The following FEM1A variants were observed in gnomAD, a reference collection of about 807,000 sequenced individuals.
FEM1A encodes protein fem-1 homolog A.
Under a neutral mutation model 0.7 loss-of-function variants are expected in FEM1A, and 1 was observed. The observed-to-expected ratio is 1.35, with a 90% CI of 0.48 to 6.40. The LOEUF is 6.40. Ranked by LOEUF, FEM1A falls within the 30% of genes most tolerant of loss-of-function variation. The pLI, the probability that FEM1A is intolerant of heterozygous loss-of-function variation, is 0.14. For missense variants in FEM1A, 721 were observed against 918.7 expected, an observed-to-expected ratio of 0.78 and a Z score of 2.78; for synonymous variants, 391 against 420.6, an observed-to-expected ratio of 0.93 and a Z score of 0.86.
At position 4,791,926 on chromosome 19, in the gene FEM1A, C is replaced by T. The variant is rs1401384234; in HGVS notation, c.72C>T (p.Ser24=). 2.0e-6 allele frequency: 3 copies of T among 1,525,784 alleles called. No individual in the cohort carries two copies. Among genetic ancestry groups the T allele is most frequent in the Non-Finnish European group, 1.7e-6 (2 of 1,143,400 alleles). 94.5% of individuals were successfully genotyped at this position (1,525,784 alleles called of 1,614,324 possible). A position where few individuals can be genotyped will look rare whatever the true frequency, so the allele number is the denominator to read the frequency against. Residue 24 remains serine, a synonymous_variant, in exon 1 of 1, where the codon AGC becomes AGT. Transcript: ENST00000269856. ...TGCAGCTGCTCCAGAAGCTGCTCAG[C>T]GGCCGGAGCCGGGAGGAACTGGACG... ...GKLQLLQKLL[S]GRSREELDEL...
In FEM1A at chr19:4,799,920, A is replaced by T. The variant is rs1300580091; in HGVS notation, c.*6056A>T. Reference sequence around the variant, plus strand: ...ACTCTGTCTCAAAAAAAAAAAAAAAAAAAAAAAAAAAAATGGGGCCATCAA... The same window carrying T: ...ACTCTGTCTCAAAAAAAAAAAAAAATAAAAAAAAAAAAATGGGGCCATCAA... On this transcript the variant is annotated 3_prime_UTR_variant, in exon 1 of 1. Coordinates refer to ENST00000269856, the MANE Select transcript of FEM1A (RefSeq NM_018708.3). 1 of 145,866 alleles carries T rather than the reference A, an allele frequency of 6.9e-6. No homozygotes were observed. The highest frequency in any genetic ancestry group is 2.5e-5 in the African/African-American group (1 of 39,728). The allele number at this position is 145,866 out of a possible 1,614,324, so 9.0% of individuals were successfully genotyped here. A position where few individuals can be genotyped will look rare whatever the true frequency, so the allele number is the denominator to read the frequency against.
rs1382748363 is a variant in FEM1A at position 4,798,879 on chromosome 19, A to G, written c.*5015A>G. 6.6e-6 allele frequency: 1 copy of G among 151,878 alleles called. No individual in the cohort carries two copies. The highest frequency in any genetic ancestry group is 6.6e-5 in the Admixed American group (1 of 15,226). 9.4% of individuals were successfully genotyped at this position (151,878 alleles called of 1,614,324 possible). A position where few individuals can be genotyped will look rare whatever the true frequency, so the allele number is the denominator to read the frequency against. On this transcript the variant is annotated 3_prime_UTR_variant, in exon 1 of 1. Coordinates refer to ENST00000269856, the MANE Select transcript of FEM1A (RefSeq NM_018708.3). The stretch of plus-strand genomic sequence containing the variant: ...TCAGCCCCCTAACCCCAAGAAAATC[A>G]CTCACAAAAATCATCTGAGCTAAAT...
Position 4,794,536 on chromosome 19 carries a change from C to CTT in FEM1A, c.*686_*687dup, listed in dbSNP as rs35934634. 5 of 153,360 alleles carry CTT rather than the reference C, an allele frequency of 3.3e-5. No individual in the cohort carries two copies. Among genetic ancestry groups the CTT allele is most frequent in the African/African-American group, 2.6e-5 (1 of 37,866 alleles). The allele number at this position is 153,360 out of a possible 1,614,324, so 9.5% of individuals were successfully genotyped here. On this transcript the variant is annotated 3_prime_UTR_variant, in exon 1 of 1. Coordinates refer to ENST00000269856, the MANE Select transcript of FEM1A (RefSeq NM_018708.3). ...CACAGAAATTCTGAGATTTTACTGC[C>CTT]TTTTTTTTTTTTTTTAAGAAAGTTG... is the stretch of plus-strand genomic sequence containing the variant.
rs2093564701 is a variant in FEM1A at position 4,798,762 on chromosome 19, G to A, written c.*4898G>A. ...GGATCCCTTTCCCCTGCTTTCTGGTGTTGTTTTGGCACAAGCTCTCCCATC... is the reference window on the plus strand; with the variant it reads ...GGATCCCTTTCCCCTGCTTTCTGGTATTGTTTTGGCACAAGCTCTCCCATC... On this transcript the variant is annotated 3_prime_UTR_variant, in exon 1 of 1. Coordinates refer to ENST00000269856, the MANE Select transcript of FEM1A (RefSeq NM_018708.3). 6.6e-6 allele frequency: 1 copy of A among 152,170 alleles called. No homozygotes were observed. Among genetic ancestry groups the A allele is most frequent in the South Asian group, 2.1e-4 (1 of 4,832 alleles). 9.4% of individuals were successfully genotyped at this position (152,170 alleles called of 1,614,324 possible). A position where few individuals can be genotyped will look rare whatever the true frequency, so the allele number is the denominator to read the frequency against.
rs1181963713 is a variant in FEM1A, at chr19:4,798,101, C to G, written c.*4237C>G. 1 of 128,490 alleles carries G rather than the reference C, an allele frequency of 7.8e-6. No homozygotes were observed. Among genetic ancestry groups the G allele is most frequent in the Admixed American group, 7.7e-5 (1 of 12,942 alleles). 8.0% of individuals were successfully genotyped at this position (128,490 alleles called of 1,614,324 possible). A position where few individuals can be genotyped will look rare whatever the true frequency, so the allele number is the denominator to read the frequency against. Reference sequence around the variant, plus strand: ...TACAAAAATTAGCCGGGTGTGGTGGCAGGTGCCTGTAGTCCCAGCTACTCC... The same window carrying G: ...TACAAAAATTAGCCGGGTGTGGTGGGAGGTGCCTGTAGTCCCAGCTACTCC... On this transcript the variant is annotated 3_prime_UTR_variant, in exon 1 of 1. Transcript: ENST00000269856.
In FEM1A at chr19:4,792,854, G is replaced by A. The variant is rs2093556246; in HGVS notation, c.1000G>A (p.Glu334Lys). 1 of 1,612,172 alleles carries A rather than the reference G, an allele frequency of 6.2e-7. No individual in the cohort carries two copies. Among genetic ancestry groups the A allele is most frequent in the Non-Finnish European group, 8.5e-7 (1 of 1,180,016 alleles). ...RAMELRHQGGEYLPKPEPPQL... is the reference protein window; with the variant it reads ...RAMELRHQGGKYLPKPEPPQL... ...CATGGAGCTGCGTCACCAGGGGGGC[G>A]AGTACCTGCCCAAACCGGAGCCCCC... The change falls in exon 1 of 1, where the codon GAG becomes AAG. Residue 334 changes from glutamate to lysine, a missense_variant. This residue lies in a region of FEM1A where 379 missense variants were observed against 454.8 expected (regional missense o/e 0.83). Transcript: ENST00000269856. The surrounding 1 kb of genome is among the most constrained non-coding windows in gnomAD (Gnocchi z 6.7).
Position 4,793,013 on chromosome 19 carries a change from C to G in FEM1A, c.1159C>G (p.Pro387Ala). ...GGAGCGCATCCTCGGTCCCTCGCAC[C>G]CGGACACTTCCTATTACATCCGTTA... ...IRERILGPSH[P>A]DTSYYIRYRG... Residue 387 changes from proline to alanine, a missense_variant, in exon 1 of 1, where the codon CCG becomes GCG. Around this residue, in one of 4 missense-constraint regions of FEM1A, gnomAD observed 379 missense variants for 454.8 expected, o/e 0.83. Transcript: ENST00000269856. The surrounding 1 kb of genome is among the most constrained non-coding windows in gnomAD (Gnocchi z 5.1). 1 of 1,613,270 alleles carries G rather than the reference C, an allele frequency of 6.2e-7. No homozygotes were observed.
chr19:4,797,742 T>C lies in FEM1A; in HGVS notation c.*3878T>C, dbSNP rs1465643543. 3 of 125,120 alleles carry C rather than the reference T, an allele frequency of 2.4e-5. No homozygotes were observed. Among genetic ancestry groups the C allele is most frequent in the African/African-American group, 9.5e-5 (3 of 31,464 alleles). 7.8% of individuals were successfully genotyped at this position (125,120 alleles called of 1,614,324 possible). A position where few individuals can be genotyped will look rare whatever the true frequency, so the allele number is the denominator to read the frequency against. On this transcript the variant is annotated 3_prime_UTR_variant, in exon 1 of 1. Transcript: ENST00000269856. ...TGAGCCTGGGAGTTTGAGACCATCA[T>C]GGGCAGCAAAGTGAGATCCTGTCTC...
chr19:4,791,839 G>A lies in FEM1A; in HGVS notation c.-16G>A, dbSNP rs2093554664. The A allele has an allele frequency of 6.7e-7, 1 of 1,484,456 alleles. No homozygotes were observed. The highest frequency in any genetic ancestry group is 1.3e-5 in the South Asian group (1 of 79,888). 92.0% of individuals were successfully genotyped at this position (1,484,456 alleles called of 1,614,324 possible). A position where few individuals can be genotyped will look rare whatever the true frequency, so the allele number is the denominator to read the frequency against. On this transcript the variant is annotated 5_prime_UTR_variant, in exon 1 of 1. It introduces an in-frame stop codon into an upstream open reading frame of the 5' UTR. Transcript: ENST00000269856. ...TCCCCCGGCGGCCGGCCCATGGCCT[G>A]GCGGAGGCCCGAACCATGGACCTCC...
rs1238461680 is a variant in FEM1A, at chr19:4,793,738, G to A, written c.1884G>A (p.Arg628=). The A allele has an allele frequency of 3.1e-6, 5 of 1,612,476 alleles. No individual in the cohort carries two copies. In the South Asian group the frequency reaches 5.5e-5, roughly 18 times the overall value. The stretch of plus-strand genomic sequence containing the variant: ...TGCTGGACGAGAAGCTGCTGGCCAG[G>A]GGTACCATGCAGCCCTTCAACTACG... ...YELLDEKLLA[R]GTMQPFNYVT... Residue 628 remains arginine, a synonymous_variant, in exon 1 of 1, where the codon AGG becomes AGA. Transcript: ENST00000269856. This position sits in a 1 kb window ranked among gnomAD's most constrained non-coding sequence, Gnocchi z 5.1.
chr19:4,797,797 C>T lies in FEM1A; in HGVS notation c.*3933C>T, dbSNP rs907319115. 10 of 144,806 alleles carry T rather than the reference C, an allele frequency of 6.9e-5. No homozygotes were observed. The highest frequency in any genetic ancestry group is 6.4e-4 in the South Asian group (3 of 4,682). 9.0% of individuals were successfully genotyped at this position (144,806 alleles called of 1,614,324 possible). On this transcript the variant is annotated 3_prime_UTR_variant, in exon 1 of 1. Coordinates refer to ENST00000269856, the MANE Select transcript of FEM1A (RefSeq NM_018708.3). ...AAAAAAAAAAAAAAAAAAAATTAGCCATGTGTAGTGATATGTAGTCCCAGC... is the reference window on the plus strand; with the variant it reads ...AAAAAAAAAAAAAAAAAAAATTAGCTATGTGTAGTGATATGTAGTCCCAGC...
Position 4,792,923 on chromosome 19 carries a change from A to G in FEM1A, c.1069A>G (p.Thr357Ala). The change falls in exon 1 of 1, where the codon ACC becomes GCC. Residue 357 changes from threonine (T) to alanine (A), a missense_variant. Coordinates refer to ENST00000269856, the MANE Select transcript of FEM1A (RefSeq NM_018708.3). This position sits in a 1 kb window ranked among gnomAD's most constrained non-coding sequence, Gnocchi z 6.7. ...TGACTATTCCAGGGAGGTCAACACCACCGAGGAGCTGGAGGCGCTGATCAC... is the reference window on the plus strand; with the variant it reads ...TGACTATTCCAGGGAGGTCAACACCGCCGAGGAGCTGGAGGCGCTGATCAC... ...AYDYSREVNT[T>A]EELEALITDP... is the part of the protein sequence containing the mutation. 1 of 1,612,230 alleles carries G rather than the reference A, an allele frequency of 6.2e-7. No homozygotes were observed. Among genetic ancestry groups the G allele is most frequent in the Non-Finnish European group, 8.5e-7 (1 of 1,179,744 alleles).
rs2093568073 is a variant in FEM1A at position 4,801,220 on chromosome 19, AATT to A, written c.*7361_*7363del. The A allele has an allele frequency of 6.6e-6, 1 of 152,188 alleles. No individual in the cohort carries two copies. The highest frequency in any genetic ancestry group is 2.4e-5 in the African/African-American group (1 of 41,438). The allele number at this position is 152,188 out of a possible 1,614,324, so 9.4% of individuals were successfully genotyped here. A position where few individuals can be genotyped will look rare whatever the true frequency, so the allele number is the denominator to read the frequency against. On this transcript the variant is annotated 3_prime_UTR_variant, in exon 1 of 1. Transcript: ENST00000269856. ...ATATTAATTCAAATGTATTAATTTGAATTATTAACTTATTAATCATTTGATGTC... is the reference window on the plus strand; with the variant it reads ...ATATTAATTCAAATGTATTAATTTGAATTAACTTATTAATCATTTGATGTC...
chr19:4,796,120 C>T lies in FEM1A; in HGVS notation c.*2256C>T, dbSNP rs1541455. 31,481 of 151,184 alleles carry T rather than the reference C, an allele frequency of 0.21. 3,581 individuals are homozygous for T. The highest frequency in any genetic ancestry group is 0.28 in the African/African-American group (11,585 of 41,132). 9.4% of individuals were successfully genotyped at this position (151,184 alleles called of 1,614,324 possible). Reference sequence around the variant, plus strand: ...ACAAAAATAAAAAATAGGCTGGGTACGGTGGCTCACATCTGTAATCTCAGC... The same window carrying T: ...ACAAAAATAAAAAATAGGCTGGGTATGGTGGCTCACATCTGTAATCTCAGC... On this transcript the variant is annotated 3_prime_UTR_variant, in exon 1 of 1. Transcript: ENST00000269856.
At position 4,795,230 on chromosome 19, in the gene FEM1A, G is replaced by A. The variant is rs1202477472; in HGVS notation, c.*1366G>A. The A allele has an allele frequency of 3.0e-5, 5 of 167,074 alleles. No individual in the cohort carries two copies. The allele number at this position is 167,074 out of a possible 1,614,324, so 10.3% of individuals were successfully genotyped here. On this transcript the variant is annotated 3_prime_UTR_variant, in exon 1 of 1. Transcript: ENST00000269856. Reference sequence around the variant, plus strand: ...CCCAGGCAGACGGGAGCAGGTTCTTGGCCAGCGTAGACAGCAGCAAACAGC... The same window carrying A: ...CCCAGGCAGACGGGAGCAGGTTCTTAGCCAGCGTAGACAGCAGCAAACAGC...
rs1446507532 is a variant in FEM1A, at chr19:4,793,779, T to C, written c.1925T>C (p.Leu642Pro). 1 of 1,611,362 alleles carries C rather than the reference T, an allele frequency of 6.2e-7. No homozygotes were observed. The highest frequency in any genetic ancestry group is 8.5e-7 in the Non-Finnish European group (1 of 1,179,586). The part of the protein sequence containing the change: ...QPFNYVTLQC[L>P]AARALDKNKI... Reference sequence around the variant, plus strand: ...TTCAACTACGTGACCCTGCAGTGCCTTGCGGCCCGGGCCCTGGATAAGAAC... The same window carrying C: ...TTCAACTACGTGACCCTGCAGTGCCCTGCGGCCCGGGCCCTGGATAAGAAC... The change falls in exon 1 of 1, where the codon CTT (leucine) becomes CCT (proline). Residue 642 changes from leucine (L) to proline (P), a missense_variant. Physicochemically the swap from Leu to Pro is moderately conservative, Grantham distance 98 (BLOSUM62 -3). Around this residue, in one of 4 missense-constraint regions of FEM1A, gnomAD observed 379 missense variants for 454.8 expected, o/e 0.83. Coordinates refer to ENST00000269856, the MANE Select transcript of FEM1A (RefSeq NM_018708.3). This position sits in a 1 kb window ranked among gnomAD's most constrained non-coding sequence, Gnocchi z 5.1.
At position 4,798,726 on chromosome 19, in the gene FEM1A, G is replaced by T. The variant is rs1359581945; in HGVS notation, c.*4862G>T. ...CTTGTGCTGATTCTCCATCCGGGAC[G>T]CCAGACACATGGATCCCTTTCCCCT... On this transcript the variant is annotated 3_prime_UTR_variant, in exon 1 of 1. Transcript: ENST00000269856. 2.6e-5 allele frequency: 4 copies of T among 152,066 alleles called. No homozygotes were observed. Among genetic ancestry groups the T allele is most frequent in the Non-Finnish European group, 5.9e-5 (4 of 68,048 alleles). 9.4% of individuals were successfully genotyped at this position (152,066 alleles called of 1,614,324 possible). A position where few individuals can be genotyped will look rare whatever the true frequency, so the allele number is the denominator to read the frequency against.
Position 4,793,044 on chromosome 19 carries a change from G to C in FEM1A, c.1190G>C (p.Gly397Ala), listed in dbSNP as rs1305767194. The part of the protein sequence containing the change: ...PDTSYYIRYR[G>A]AVYADSGNFE... ...ACTTCCTATTACATCCGTTACAGGG[G>C]TGCCGTGTACGCCGACTCGGGCAAT... Residue 397 changes from glycine (G) to alanine (A), a missense_variant, in exon 1 of 1, where the codon GGT becomes GCT. This residue lies in a region of FEM1A where 379 missense variants were observed against 454.8 expected (regional missense o/e 0.83). Transcript: ENST00000269856. The surrounding 1 kb of genome is among the most constrained non-coding windows in gnomAD (Gnocchi z 5.1). 1.2e-6 allele frequency: 2 copies of C among 1,613,434 alleles called. No homozygotes were observed. Among genetic ancestry groups the C allele is most frequent in the Non-Finnish European group, 1.7e-6 (2 of 1,180,030 alleles).
Position 4,793,759 on chromosome 19 carries a change from C to T in FEM1A, c.1905C>T (p.Asn635=). The T allele has an allele frequency of 6.2e-7, 1 of 1,612,414 alleles. No homozygotes were observed. The highest frequency in any genetic ancestry group is 1.7e-5 in the Admixed American group (1 of 59,966). The part of the protein sequence containing the change: ...LLARGTMQPF[N]YVTLQCLAAR... ...CCAGGGGTACCATGCAGCCCTTCAA[C>T]TACGTGACCCTGCAGTGCCTTGCGG... Residue 635 remains asparagine, a synonymous_variant, in exon 1 of 1, where the codon AAC becomes AAT. Transcript: ENST00000269856. The surrounding 1 kb of genome is among the most constrained non-coding windows in gnomAD (Gnocchi z 5.1).
Sources: gnomAD v4.1 joint callset for allele counts on GRCh38, gnomAD v4.1.1 for gene constraint, gnomAD v4.1.1 regional missense constraint, Gnocchi (gnomAD v3.1) non-coding constraint, MANE v1.5 for transcripts, NCBI Gene and HGNC (gene_info 2026-07-23, HGNC 2026-07-21) for gene names.